Variants in ASCC3 observed in about 807,000 individuals in gnomAD.
The protein encoded by ASCC3 is ASC-1 complex subunit P200.
Under a neutral mutation model 256.3 loss-of-function variants are expected in ASCC3, and 158 were observed. That is an observed-to-expected ratio of 0.62 (90% CI 0.54 to 0.70). The LOEUF (loss-of-function observed/expected upper bound fraction) is 0.70, where lower values mean the gene tolerates loss of function less well. ASCC3 is among the 30% of genes least tolerant of loss of function. The pLI is 0.00. For missense variants in ASCC3, 2,259 were observed against 2,626.0 expected, an observed-to-expected ratio of 0.86 and a Z score of 3.05; for synonymous variants, 948 against 883.4, an observed-to-expected ratio of 1.07 and a Z score of -1.30.
intron 37 of ASCC3, among the ~76,000 whole-genome samples, chr6:100,525,646 T>G (rs1278829045): frequency 1.3e-5 from 2 of 152,088 alleles, no homozygotes; most frequent in Non-Finnish European, 2.9e-5. Flanking sequence ...TGTGAATAAG[T>G]ATAGACTTTA....
At chr6:100,581,235 C>T (rs142846227) in intron 36 of ASCC3, among the ~76,000 whole-genome samples, 2,449 of 152,294 alleles carry the variant, frequency 0.016, 66 homozygotes, top group African/African-American at 0.056. Flanking sequence ...ACATGTTCTC[C>T]AGCACCTGTT....
intron 30 of ASCC3, among the ~76,000 whole-genome samples, chr6:100,623,548 G>A (rs1774071777): frequency 6.6e-6 from 1 of 152,274 alleles, no homozygotes; most frequent in Middle Eastern, 3.4e-3. Context: ...CTGGGCACCA[G>A]TGGATTTGGA....
intron 14 of ASCC3, among the ~76,000 whole-genome samples, chr6:100,676,358 G>A (rs1777006052): frequency 2.6e-5 from 4 of 152,092 alleles, no homozygotes; most frequent in South Asian, 4.1e-4. Context: ...GAGAAAGTAC[G>A]TTTCAGAAAT....
intron 4 of ASCC3, among the ~76,000 whole-genome samples, chr6:100,841,770 T>C (rs909795757): frequency 6.6e-6 from 1 of 152,130 alleles, no homozygotes; most frequent in East Asian, 1.9e-4. Flanking sequence ...CCTATGACTT[T>C]GTTGCCCCAT....
At chr6:100,782,438 C>G (rs1782494558) in intron 8 of ASCC3, among the ~76,000 whole-genome samples, 1 of 152,076 alleles carries the variant, frequency 6.6e-6, no homozygotes, top group East Asian at 1.9e-4. Flanking sequence ...TTCTAGTGAA[C>G]ACAAATGCAT....
chr6:100,622,910 G>T (rs752792377), intron 30 of ASCC3, among the ~76,000 whole-genome samples: 2 of 151,818 alleles, frequency 1.3e-5, no homozygotes, highest in East Asian at 1.9e-4. Flanking sequence ...ACAACAAAAA[G>T]AAACACAGTG....
intron 4 of ASCC3, among the ~76,000 whole-genome samples, chr6:100,832,094 A>G (rs76715453): frequency 0.024 from 3,602 of 152,256 alleles, 47 homozygotes; most frequent in Non-Finnish European, 0.036. Flanking sequence ...TATCTCTGAT[A>G]GGATTTTTGA....
intron 8 of ASCC3, among the ~76,000 whole-genome samples, chr6:100,785,443 C>T (rs536339353): frequency 1.3e-5 from 2 of 152,216 alleles, no homozygotes; most frequent in African/African-American, 2.4e-5. Context: ...TTCTGCTGCC[C>T]AGGCTGGAAT....
intron 2 of ASCC3, among the ~76,000 whole-genome samples, chr6:100,867,080 A>T (rs1346083577): frequency 2.0e-5 from 3 of 152,172 alleles, no homozygotes; most frequent in Non-Finnish European, 4.4e-5. Context: ...GTCATGCCCT[A>T]ATTTGTGATT....
At chr6:100,792,867 T>G (rs555720201) in intron 8 of ASCC3, among the ~76,000 whole-genome samples, 2 of 152,066 alleles carry the variant, frequency 1.3e-5, no homozygotes, top group Admixed American at 1.3e-4. Flanking sequence ...ATTAATAATT[T>G]GGCTTGGAGC....
At chr6:100,823,112 C>T (rs1383094971) in intron 4 of ASCC3, among the ~76,000 whole-genome samples, 1 of 152,126 alleles carries the variant, frequency 6.6e-6, no homozygotes, top group African/African-American at 2.4e-5. Context: ...AAGATGATCC[C>T]ATCAGAATTC....
intron 22 of ASCC3, among the ~76,000 whole-genome samples, chr6:100,646,044 C>T (rs953257948): frequency 9.2e-5 from 14 of 152,034 alleles, no homozygotes; most frequent in African/African-American, 3.4e-4. Flanking sequence ...TGAAAAATGG[C>T]TCTTTTTACC....
chr6:100,721,868 T>TA (rs1295821698), intron 11 of ASCC3, among the ~76,000 whole-genome samples: 1 of 151,748 alleles, frequency 6.6e-6, no homozygotes, highest in Non-Finnish European at 1.5e-5. Flanking sequence ...TTGGTTTTGT[T>TA]ACAGTTGCTT....
intron 3 of ASCC3, among the ~76,000 whole-genome samples, chr6:100,854,168 T>C (rs1772825328): frequency 6.6e-6 from 1 of 151,976 alleles, no homozygotes; most frequent in African/African-American, 2.4e-5. Context: ...TTTTTTTTTT[T>C]TTGAGGGGGA....
At chr6:100,826,564 A>C (rs1348689129) in intron 4 of ASCC3, among the ~76,000 whole-genome samples, 1 of 152,240 alleles carries the variant, frequency 6.6e-6, no homozygotes, top group African/African-American at 2.4e-5. Context: ...CTGTAATACT[A>C]TCAATGTTGA....
intron 36 of ASCC3, among the ~76,000 whole-genome samples, chr6:100,580,140 T>G (rs1282918577): frequency 6.6e-6 from 1 of 152,144 alleles, no homozygotes; most frequent in Non-Finnish European, 1.5e-5. Flanking sequence ...ATGTTGTTGG[T>G]GTACAGAAAT....
In ASCC3 at chr6:100,762,236, C is replaced by T. The variant is rs1378200151; in HGVS notation, c.1737+4329G>A. 4.0e-5 allele frequency among the ~76,000 whole-genome samples: 6 copies of T among 151,816 alleles called. No individual in the cohort carries two copies. The East Asian group carries it at 7.8e-4, about 20-fold the overall frequency. ...CAACTCCCAAAGGTACACAGGTAAA[C>T]GCCTCCCCCTACGAGGATGAGCAAA... On this transcript the variant is annotated intron_variant, in intron 10 of 41. Coordinates refer to ENST00000369162, the MANE Select transcript of ASCC3 (RefSeq NM_006828.4).
chr6:100,721,868 T>G (rs922454493), intron 11 of ASCC3, among the ~76,000 whole-genome samples: 14 of 151,748 alleles, frequency 9.2e-5, no homozygotes, highest in Non-Finnish European at 1.3e-4. Context: ...TTGGTTTTGT[T>G]ACAGTTGCTT....
At chr6:100,820,330 C>A (rs1263203019) in intron 4 of ASCC3, among the ~76,000 whole-genome samples, 1 of 152,076 alleles carries the variant, frequency 6.6e-6, no homozygotes, top group Non-Finnish European at 1.5e-5. Context: ...CAGAAATAAA[C>A]CCAAGCATCT....
Sources: gnomAD v4.1 joint callset for allele counts (sites outside exome capture counted in the v4.1 genomes callset) on GRCh38, gnomAD v4.1.1 for gene constraint, MANE v1.5 for transcripts, NCBI Gene and HGNC (gene_info 2026-07-23, HGNC 2026-07-21) for gene names.